HLCS: variants seen among roughly 807,000 people sequenced by gnomAD.
The protein encoded by HLCS is holocarboxylase synthetase.
HLCS carries 53 observed loss-of-function variants against 75.0 expected under a neutral mutation model. That is an observed-to-expected ratio of 0.71 (90% CI 0.57 to 0.89). The LOEUF is 0.89. Among genes scored for constraint, HLCS ranks in the 40% least tolerant of loss-of-function variants. HLCS has a pLI of 0.00. For missense variants in HLCS, 966 were observed against 1,074.0 expected, an observed-to-expected ratio of 0.90 and a Z score of 1.41; for synonymous variants, 431 against 428.6, an observed-to-expected ratio of 1.01 and a Z score of -0.07.
At chr21:36,945,064 G>A (rs1601832620) in intron 2 of HLCS, among the ~76,000 whole-genome samples, 1 of 152,170 alleles carries the variant, frequency 6.6e-6, no homozygotes, top group Non-Finnish European at 1.5e-5. Flanking sequence ...AACTTGCAGT[G>A]AGCCAAGATC....
Position 36,888,412 on chromosome 21 carries a change from G to A in HLCS, c.1892+8448C>T, listed in dbSNP as rs540683166. Among the ~76,000 whole-genome samples, 149 of 124,026 alleles carry A rather than the reference G, an allele frequency of 1.2e-3. 1 individual carries two copies. The highest frequency in any genetic ancestry group is 4.5e-3 in the African/African-American group (141 of 31,478). 81.4% of individuals were successfully genotyped at this position (124,026 alleles called of 152,430 possible). ...TGACTGCAGCTATTCTCCCCAATGC[G>A]ATCCTGCCCCCTTCCCATTTAAAAA... On this transcript the variant is annotated intron_variant, in intron 6 of 10. Transcript: ENST00000674895.
chr21:36,891,175 C>T (rs529919141), intron 6 of HLCS, among the ~76,000 whole-genome samples: 29 of 152,314 alleles, frequency 1.9e-4, no homozygotes, highest in Non-Finnish European at 3.8e-4. Flanking sequence ...AGCTTCTTTA[C>T]CCCTTCCTCC....
intron 6 of HLCS, among the ~76,000 whole-genome samples, chr21:36,834,383 G>T (rs1042958560): frequency 6.6e-6 from 1 of 152,198 alleles, no homozygotes; most frequent in Non-Finnish European, 1.5e-5. Flanking sequence ...GCATGAGCAT[G>T]TCCAAGTGTG....
chr21:36,845,316 T>C (rs561286212), intron 6 of HLCS, among the ~76,000 whole-genome samples: 1 of 152,176 alleles, frequency 6.6e-6, no homozygotes, highest in South Asian at 2.1e-4. Context: ...TTCTAAGCCA[T>C]AATGAACATG....
In HLCS at chr21:36,979,272, CAAAA is replaced by C. The variant is rs35662012; in HGVS notation, c.-393+10882_-393+10885del. Among the ~76,000 whole-genome samples, 230 of 109,244 alleles carry C rather than the reference CAAAA, an allele frequency of 2.1e-3. 1 individual carries two copies. Among genetic ancestry groups the C allele is most frequent in the African/African-American group, 5.8e-3 (165 of 28,622 alleles). The allele number at this position is 109,244 out of a possible 152,430, so 71.7% of individuals were successfully genotyped here. A position where few individuals can be genotyped will look rare whatever the true frequency, so the allele number is the denominator to read the frequency against. On this transcript the variant is annotated intron_variant, in intron 1 of 11. Transcript: ENST00000336648. Reference sequence around the variant, plus strand: ...TGGGTGACAGAGCAAGACTCAGTCTCAAAAAAAAAAAAAAAAGAAAGAAAGAAAA... The same window carrying C: ...TGGGTGACAGAGCAAGACTCAGTCTCAAAAAAAAAAAAGAAAGAAAGAAAA...
intron 6 of HLCS, among the ~76,000 whole-genome samples, chr21:36,820,551 T>A (rs2061806202): frequency 6.6e-6 from 1 of 152,238 alleles, no homozygotes; most frequent in Non-Finnish European, 1.5e-5. Context: ...GGTGTGCACA[T>A]GCTCAGGGCG....
chr21:36,916,309 C>T (rs8134742), intron 5 of HLCS, among the ~76,000 whole-genome samples: 7,530 of 152,100 alleles, frequency 0.05, 586 homozygotes, highest in African/African-American at 0.17. Context: ...GATCAACTAT[C>T]TGTCCTCATA....
intron 8 of HLCS, among the ~76,000 whole-genome samples, chr21:36,760,281 A>C (rs2089780535): frequency 6.6e-6 from 1 of 152,112 alleles, no homozygotes; most frequent in East Asian, 1.9e-4. Flanking sequence ...GCCCTGAATT[A>C]ACCAAGGTCA....
chr21:36,970,867 G>A (rs956254126), upstream of HLCS, among the ~76,000 whole-genome samples: 8 of 151,880 alleles, frequency 5.3e-5, no homozygotes, highest in South Asian at 2.1e-4. Flanking sequence ...GGTGGCGGGC[G>A]CCTGTAATCC....
intron 5 of HLCS, among the ~76,000 whole-genome samples, chr21:36,911,033 G>C (rs1373186756): frequency 2.6e-5 from 4 of 152,208 alleles, no homozygotes; most frequent in Non-Finnish European, 5.9e-5. Context: ...GGGCCAAAAT[G>C]AATCTGGAGA....
rs150513707 is a variant in HLCS, at chr21:36,904,910, A to G, written c.1621-7779T>C. On this transcript the variant is annotated intron_variant, in intron 5 of 10. Transcript: ENST00000674895. ...AAGAAAAAAGGTTTGGATCATAGAC[A>G]TCAAGACAAGTGGGCTGACATATAA... Among the ~76,000 whole-genome samples the G allele has an allele frequency of 4.5e-3, 692 of 152,374 alleles. 3 individuals are homozygous for G. Among genetic ancestry groups the G allele is most frequent in the Non-Finnish European group, 6.8e-3 (461 of 68,038 alleles).
In HLCS at chr21:36,827,676, G is replaced by C. The variant is rs151185072; in HGVS notation, c.1893-60391C>G. On this transcript the variant is annotated intron_variant, in intron 6 of 10. Transcript: ENST00000674895. ...ACAGCAGAAGGAAACTCAGTTCTCCGGGGGCAATACTTCTCACTTACAACT... is the reference window on the plus strand; with the variant it reads ...ACAGCAGAAGGAAACTCAGTTCTCCCGGGGCAATACTTCTCACTTACAACT... 7.8e-3 allele frequency among the ~76,000 whole-genome samples: 1,178 copies of C among 151,960 alleles called. 6 individuals carry two copies. The highest frequency in any genetic ancestry group is 0.027 in the African/African-American group (1,110 of 41,466).
chr21:36,888,444 A>AT (rs2064591964), intron 6 of HLCS, among the ~76,000 whole-genome samples: 1 of 25,518 alleles, frequency 3.9e-5, no homozygotes, highest in South Asian at 1.2e-3. Context: ...AAAAAAAAAA[A>AT]AATATATATA....
intron 1 of HLCS, among the ~76,000 whole-genome samples, chr21:36,988,296 C>T (rs1442616758): frequency 6.6e-6 from 1 of 152,096 alleles, no homozygotes; most frequent in African/African-American, 2.4e-5. Context: ...ATGTTTCACA[C>T]AAAAAGTAGC....
chr21:36,948,993 T>C (rs937670190), intron 2 of HLCS, among the ~76,000 whole-genome samples: 2 of 152,034 alleles, frequency 1.3e-5, no homozygotes, highest in African/African-American at 2.4e-5. Context: ...CACAGAAGAA[T>C]GTTATTATTG....
At chr21:36,970,973 G>A (rs1158707605), upstream of HLCS, among the ~76,000 whole-genome samples, 7 of 146,528 alleles carry the variant, frequency 4.8e-5, no homozygotes, top group Admixed American at 2.1e-4. Context: ...CAGCCTGGGC[G>A]ACAGAGCAAG....
chr21:36,790,517 A>G (rs73212607), intron 6 of HLCS, among the ~76,000 whole-genome samples: 1 of 151,980 alleles, frequency 6.6e-6, no homozygotes, highest in Non-Finnish European at 1.5e-5. Flanking sequence ...AGGAAGTGGG[A>G]CCTATGGTGT....
intron 6 of HLCS, among the ~76,000 whole-genome samples, chr21:36,869,234 C>G (rs1224693478): frequency 6.6e-6 from 1 of 152,144 alleles, no homozygotes; most frequent in Non-Finnish European, 1.5e-5. Flanking sequence ...ACGCCATTCT[C>G]CCGCCTCAGC....
At chr21:36,855,278 C>G (rs2063147742) in intron 6 of HLCS, among the ~76,000 whole-genome samples, 1 of 152,014 alleles carries the variant, frequency 6.6e-6, no homozygotes, top group African/African-American at 2.4e-5. Context: ...CGCCTGTAAT[C>G]CCAGCACTTT....
Sources: gnomAD v4.1 joint callset for allele counts (sites outside exome capture counted in the v4.1 genomes callset) on GRCh38, gnomAD v4.1.1 for gene constraint, MANE v1.5 for transcripts, NCBI Gene and HGNC (gene_info 2026-07-23, HGNC 2026-07-21) for gene names.